The following CRYM variants were observed in gnomAD, a reference collection of about 807,000 sequenced individuals.
The protein encoded by CRYM is crystallin mu.
In CRYM, 18 loss-of-function variants were observed where a neutral mutation model predicts 32.9. The ratio of observed to expected loss-of-function variants is 0.55; its 90% CI spans 0.38 to 0.81. CRYM has a LOEUF of 0.81. CRYM is among the 30% of genes least tolerant of loss of function. CRYM has a pLI of 0.00. For missense variants in CRYM, 337 were observed against 393.5 expected, an observed-to-expected ratio of 0.86 and a Z score of 1.21; for synonymous variants, 153 against 152.4, an observed-to-expected ratio of 1.00 and a Z score of -0.03.
chr16:21,290,506 C>T (rs1024417730), intron 1 of CRYM, among the ~76,000 whole-genome samples: 10 of 152,052 alleles, frequency 6.6e-5, no homozygotes, highest in South Asian at 2.1e-4. Flanking sequence ...CGCAAGGGTC[C>T]GTGGCTTCTT....
At chr16:21,290,141 G>C (rs1349618562) in intron 1 of CRYM, among the ~76,000 whole-genome samples, 1 of 152,128 alleles carries the variant, frequency 6.6e-6, no homozygotes, top group Middle Eastern at 3.2e-3. Flanking sequence ...ACCAGAGCCA[G>C]CAGTGGCAAT....
intron 2 of CRYM, 104 bp from the exon 3 acceptor site, chr16:21,275,698 AC>A (rs2093384812): frequency 2.2e-6 from 2 of 909,708 alleles, no homozygotes; most frequent in Non-Finnish European, 1.8e-6. Context: ...ATAGCATCCT[AC>A]AAACAGCATG....
chr16:21,259,673 AAAAGCAGGCAGC>A (rs1194457583), intron 7 of CRYM, among the ~76,000 whole-genome samples: 1 of 152,212 alleles, frequency 6.6e-6, no homozygotes, highest in Non-Finnish European at 1.5e-5. Context: ...TAGGCCACAC[AAAAGCAGGCAGC>A]AGAGCAGGTC....
chr16:21,261,469 G>A, intron 6 of CRYM, 131 bp from the exon 7 acceptor site: 4 of 703,498 alleles, frequency 5.7e-6, no homozygotes, highest in Non-Finnish European at 7.5e-6. Flanking sequence ...AAAAAAGAGA[G>A]AGATCCTTTG....
chr16:21,284,414 T>C (rs770253713), intron 1 of CRYM, among the ~76,000 whole-genome samples: 8 of 152,138 alleles, frequency 5.3e-5, no homozygotes, highest in Non-Finnish European at 1.0e-4. Flanking sequence ...CGACCAACAC[T>C]ACCATCTAAT....
Position 21,262,099 on chromosome 16 carries a change from C to G in CRYM, c.733G>C (p.Val245Leu). Residue 245 changes from valine (V) to leucine (L), a missense_variant, in exon 6 of 8, where the codon GTG becomes CTG. By Grantham distance (32) the Val-to-Leu change is conservative. Coordinates refer to ENST00000572914, the MANE Select transcript of CRYM (RefSeq NM_001376256.1). Reference protein sequence around the residue: ...ELDDELMKEAVLYVDSQEAAL... With the variant: ...ELDDELMKEALLYVDSQEAAL... ...GCCTCCTGGGAATCCACGTACAGCA[C>G]AGCTTCTTTCATGAGCTCATCATCC... The G allele has an allele frequency of 1.2e-6, 2 of 1,614,160 alleles. No individual in the cohort carries two copies. The highest frequency in any genetic ancestry group is 1.7e-6 in the Non-Finnish European group (2 of 1,180,028).
upstream of CRYM, among the ~76,000 whole-genome samples, chr16:21,282,086 G>A (rs6497544): frequency 0.28 from 42,941 of 152,056 alleles, 7,138 homozygotes; most frequent in African/African-American, 0.45. Flanking sequence ...TCATGGAGGC[G>A]GGTCTTTCCC....
chr16:21,264,855 T>C (rs1170945858), intron 5 of CRYM, among the ~76,000 whole-genome samples: 3 of 151,886 alleles, frequency 2.0e-5, no homozygotes, highest in Non-Finnish European at 4.4e-5. Flanking sequence ...GGAAAGGGGC[T>C]CCCCCCATCC....
rs937593864 is a variant in CRYM at position 21,259,089 on chromosome 16, A to AT, written c.881-245dup. ...CTAAATCTAGCTCAGGGCTGAGCAAATTTTTTTTTTTAATTTTTTTTTTTT... is the reference window on the plus strand; with the variant it reads ...CTAAATCTAGCTCAGGGCTGAGCAAATTTTTTTTTTTTAATTTTTTTTTTTT... On this transcript the variant is annotated intron_variant, in intron 7 of 7. Transcript: ENST00000572914. Among the ~76,000 whole-genome samples the AT allele has an allele frequency of 5.3e-3, 793 of 148,768 alleles. 6 individuals are homozygous for AT. Among genetic ancestry groups the AT allele is most frequent in the African/African-American group, 0.018 (714 of 40,570 alleles).
chr16:21,264,348 G>A (rs547052696), intron 5 of CRYM, among the ~76,000 whole-genome samples: 78 of 152,282 alleles, frequency 5.1e-4, no homozygotes, highest in Middle Eastern at 3.4e-3. Context: ...CTTATGAGCC[G>A]GGCGAGTTCT....
chr16:21,289,308 C>T (rs1050831742), intron 1 of CRYM, among the ~76,000 whole-genome samples: 5 of 152,254 alleles, frequency 3.3e-5, no homozygotes, highest in African/African-American at 1.2e-4. Flanking sequence ...TGAATTAACC[C>T]ATTTAATAGT....
chr16:21,273,902 G>A lies in CRYM; in HGVS notation c.387+1630C>T, dbSNP rs183164696. On this transcript the variant is annotated intron_variant, in intron 3 of 7. Coordinates refer to ENST00000572914, the MANE Select transcript of CRYM (RefSeq NM_001376256.1). ...GTCCTTGATTACTTCAGTTGAGTCA[G>A]GTCTGGATATAACTAAAAACCAGTT... 6.6e-5 allele frequency among the ~76,000 whole-genome samples: 10 copies of A among 152,290 alleles called. No individual in the cohort carries two copies. The East Asian group carries it at 1.9e-3, about 29-fold the overall frequency.
Position 21,267,688 on chromosome 16 carries a change from G to A in CRYM, c.539C>T (p.Thr180Ile), listed in dbSNP as rs769827210. 3 of 1,614,190 alleles carry A rather than the reference G, an allele frequency of 1.9e-6. No individual in the cohort carries two copies. The highest frequency in any genetic ancestry group is 2.5e-6 in the Non-Finnish European group (3 of 1,180,040). ...TKENAEKFAD[T>I]VQGEVRVCSS... ...ACAGACCCGTACCTCTCCTTGCACTGTGTCTGCAAACTTCTCTGCATTTTC... is the reference window on the plus strand; with the variant it reads ...ACAGACCCGTACCTCTCCTTGCACTATGTCTGCAAACTTCTCTGCATTTTC... The change falls in exon 5 of 8, where the codon ACA becomes ATA. Residue 180 changes from threonine to isoleucine, a missense_variant. Transcript: ENST00000572914.
intron 6 of CRYM, 172 bp from the exon 7 acceptor site, chr16:21,261,510 C>T (rs1428073879): frequency 1.1e-5 from 7 of 633,398 alleles, no homozygotes; most frequent in Non-Finnish European, 1.9e-5. Flanking sequence ...AGGAGGCTGG[C>T]CCCGAAATCC....
intron 1 of CRYM, among the ~76,000 whole-genome samples, chr16:21,284,384 A>G (rs1389425498): frequency 1.3e-5 from 2 of 152,116 alleles, no homozygotes; most frequent in South Asian, 2.1e-4. Flanking sequence ...CCTGACTTTT[A>G]GTATATTCAC....
At chr16:21,266,028 A>C (rs577773027) in intron 5 of CRYM, among the ~76,000 whole-genome samples, 1 of 152,318 alleles carries the variant, frequency 6.6e-6, no homozygotes, top group South Asian at 2.1e-4. Context: ...GTTCGAGACC[A>C]GCCTGGACAA....
chr16:21,286,977 C>G (rs939516989), intron 1 of CRYM, among the ~76,000 whole-genome samples: 1 of 151,870 alleles, frequency 6.6e-6, no homozygotes, highest in Admixed American at 6.6e-5. Flanking sequence ...GTAGTCCCAG[C>G]TACTAGGGAG....
intron 7 of CRYM, among the ~76,000 whole-genome samples, chr16:21,260,525 CCTT>C (rs1196681780): frequency 6.6e-6 from 1 of 152,300 alleles, no homozygotes; most frequent in East Asian, 1.9e-4. Flanking sequence ...GTCTCAAACT[CCTT>C]AGCTCAAGTG....
intron 4 of CRYM, 35 bp from the exon 5 acceptor site, chr16:21,267,772 AT>A: frequency 6.2e-7 from 1 of 1,612,630 alleles, no homozygotes; most frequent in Non-Finnish European, 8.5e-7. Flanking sequence ...TATTGGCGCC[AT>A]TTTTTGGCTG....
Sources: gnomAD v4.1 joint callset for allele counts (sites outside exome capture counted in the v4.1 genomes callset) on GRCh38, gnomAD v4.1.1 for gene constraint, MANE v1.5 for transcripts, NCBI Gene and HGNC (gene_info 2026-07-23, HGNC 2026-07-21) for gene names.